PRKG2: variants seen among roughly 807,000 people sequenced by gnomAD.
PRKG2 encodes the protein protein kinase cGMP-dependent 2, also known as cGMP-dependent protein kinase 2.
In PRKG2, 33 loss-of-function variants were observed where a neutral mutation model predicts 97.2. That is an observed-to-expected ratio of 0.34 (90% CI 0.26 to 0.45). The LOEUF is 0.45. Among genes scored for constraint, PRKG2 ranks in the 20% least tolerant of loss-of-function variants. The pLI is 1.00. For synonymous variants in PRKG2, 330 were observed against 321.8 expected (o/e 1.03, Z -0.27); for missense variants, 638 against 900.0 (o/e 0.71, Z 3.73).
intron 14 of PRKG2, among the ~76,000 whole-genome samples, chr4:81,123,159 T>C (rs545884066): frequency 6.6e-6 from 1 of 152,262 alleles, no homozygotes; most frequent in Non-Finnish European, 1.5e-5. Flanking sequence ...CTGAGGAACA[T>C]ATATTAAAAT....
At chr4:81,093,919 T>A (rs769518133) in intron 17 of PRKG2, among the ~76,000 whole-genome samples, 10 of 152,196 alleles carry the variant, frequency 6.6e-5, no homozygotes, top group Non-Finnish European at 1.3e-4. Context: ...TCTTTTCTAC[T>A]GGCACACTGA....
chr4:81,186,405 A>AT (rs1751883787), intron 2 of PRKG2, among the ~76,000 whole-genome samples: 1 of 152,190 alleles, frequency 6.6e-6, no homozygotes, highest in Non-Finnish European at 1.5e-5. Context: ...GCAGAAATAA[A>AT]TAAGTTCTTT....
intron 17 of PRKG2, among the ~76,000 whole-genome samples, chr4:81,102,402 T>C (rs941301179): frequency 6.6e-6 from 1 of 152,204 alleles, no homozygotes; most frequent in African/African-American, 2.4e-5. Context: ...GAATGTATAT[T>C]GGAAGAATGG....
At chr4:81,108,684 C>T (rs1743605746) in intron 15 of PRKG2, among the ~76,000 whole-genome samples, 1 of 151,840 alleles carries the variant, frequency 6.6e-6, no homozygotes, top group African/African-American at 2.4e-5. Flanking sequence ...TGCTTGAGCC[C>T]AGGAGCTTGA....
intron 14 of PRKG2, among the ~76,000 whole-genome samples, chr4:81,121,294 T>C (rs1031415530): frequency 2.0e-5 from 3 of 152,112 alleles, no homozygotes; most frequent in African/African-American, 2.4e-5. Flanking sequence ...CTTTTGGTAT[T>C]AGAGTAATAA....
intron 1 of PRKG2, among the ~76,000 whole-genome samples, chr4:81,214,602 C>G (rs1196262930): frequency 6.6e-6 from 1 of 152,112 alleles, no homozygotes; most frequent in Non-Finnish European, 1.5e-5. Context: ...GCCCCTAGCT[C>G]GGAGCAACAG....
intron 5 of PRKG2, 150 bp from the exon 6 acceptor site, chr4:81,167,374 T>G: frequency 2.0e-6 from 1 of 501,676 alleles, no homozygotes; most frequent in Non-Finnish European, 3.5e-6. Flanking sequence ...TGAAAACACA[T>G]CAATAACTGA....
At chr4:81,141,086 T>C (rs1747236108) in intron 11 of PRKG2, among the ~76,000 whole-genome samples, 1 of 152,090 alleles carries the variant, frequency 6.6e-6, no homozygotes, top group South Asian at 2.1e-4. Context: ...TCAGGGCTCA[T>C]TGCAGCCTTG....
At chr4:81,176,174 T>C (rs1750907080) in intron 2 of PRKG2, 1 of 152,144 alleles carries the variant, frequency 6.6e-6, no homozygotes, top group Non-Finnish European at 1.5e-5. Flanking sequence ...TTCAAATTAT[T>C]TGAGTGCCTT....
intron 14 of PRKG2, among the ~76,000 whole-genome samples, chr4:81,118,923 T>C (rs538277326): frequency 3.1e-4 from 47 of 152,244 alleles, no homozygotes; most frequent in Non-Finnish European, 8.8e-5. Flanking sequence ...GGCTCCCAAG[T>C]AGCTGGGACT....
At chr4:81,206,401 T>A (rs1039986727) in intron 1 of PRKG2, among the ~76,000 whole-genome samples, 2 of 152,156 alleles carry the variant, frequency 1.3e-5, no homozygotes, top group African/African-American at 4.8e-5. Context: ...AGTGAATAGG[T>A]CTCATGAGAT....
In PRKG2 at chr4:81,137,397, C is replaced by G. The variant is rs1255291620; in HGVS notation, c.1630G>C (p.Asp544His). The change falls in exon 13 of 19, where the codon GAC becomes CAC. Residue 544 changes from aspartate to histidine, a missense_variant. Transcript: ENST00000264399. Reference protein sequence around the residue: ...LGGELWSILRDRGSFDEPTSK... With the variant: ...LGGELWSILRHRGSFDEPTSK... ...GTATACAAACTTTTTCATTACCTGT[C>G]CCTTAATATACTCCAGAGCTCCCCA... 2 of 1,604,274 alleles carry G rather than the reference C, an allele frequency of 1.2e-6. No homozygotes were observed. Among genetic ancestry groups the G allele is most frequent in the South Asian group, 2.2e-5 (2 of 90,868 alleles).
intron 2 of PRKG2, among the ~76,000 whole-genome samples, chr4:81,202,575 C>T (rs887773390): frequency 2.0e-5 from 3 of 152,074 alleles, no homozygotes; most frequent in Non-Finnish European, 2.9e-5. Flanking sequence ...TTTATCCTGA[C>T]CACAACACAG....
intron 2 of PRKG2, among the ~76,000 whole-genome samples, chr4:81,177,495 G>C (rs1299002726): frequency 6.6e-6 from 1 of 152,160 alleles, no homozygotes; most frequent in Non-Finnish European, 1.5e-5. Flanking sequence ...CACGAGGTCA[G>C]GAGATCGAGA....
In PRKG2 at chr4:81,204,773, C is replaced by T; in HGVS notation, c.275G>A (p.Ser92Asn). ...LQDVVHMQGG[S>N]PLQASPDKVP... Reference sequence around the variant, plus strand: ...TTTATCTGGAGAGGCCTGAAGCGGGCTTCCTCCCTGCATATGCACCACATC... The same window carrying T: ...TTTATCTGGAGAGGCCTGAAGCGGGTTTCCTCCCTGCATATGCACCACATC... Residue 92 changes from serine to asparagine, a missense_variant, in exon 2 of 19, where the codon AGC becomes AAC. Transcript: ENST00000264399. The T allele has an allele frequency of 6.2e-7, 1 of 1,614,186 alleles. No homozygotes were observed. The highest frequency in any genetic ancestry group is 8.5e-7 in the Non-Finnish European group (1 of 1,180,030).
At chr4:81,091,347 ATCTCGGCTCACTG>A (rs1252571936) in intron 18 of PRKG2, among the ~76,000 whole-genome samples, 1 of 151,976 alleles carries the variant, frequency 6.6e-6, no homozygotes, top group African/African-American at 2.4e-5. Context: ...CAGTGGCGTG[ATCTCGGCTCACTG>A]CAAGCTCCAC....
upstream of PRKG2, among the ~76,000 whole-genome samples, chr4:81,215,390 A>C (rs1367504863): frequency 2.6e-5 from 4 of 152,236 alleles, no homozygotes; most frequent in Non-Finnish European, 5.9e-5. Flanking sequence ...CGCAGTCTGC[A>C]CTTTATACCC....
rs535944193 is a variant in PRKG2 at position 81,154,459 on chromosome 4, A to AC, written c.913-739dup. On this transcript the variant is annotated intron_variant, in intron 6 of 18. Transcript: ENST00000264399. ...GACTGCCTCCTCAAGTGGGTCCCTG[A>AC]CCCTGACCCCCGAGCAGCCTAACTG... 1.7e-3 allele frequency among the ~76,000 whole-genome samples: 248 copies of AC among 150,286 alleles called. 4 individuals carry two copies. Among genetic ancestry groups the AC allele is most frequent in the African/African-American group, 3.6e-3 (143 of 39,744 alleles).
intron 3 of PRKG2, among the ~76,000 whole-genome samples, chr4:81,172,045 T>C (rs968815655): frequency 2.0e-5 from 3 of 151,692 alleles, no homozygotes; most frequent in African/African-American, 4.8e-5. Context: ...ACGATGAGGA[T>C]AATAATAATT....
Sources: allele counts gnomAD v4.1 joint callset (sites outside exome capture counted in the v4.1 genomes callset), GRCh38; gene constraint gnomAD v4.1.1; transcripts MANE v1.5; gene names NCBI Gene and HGNC (gene_info 2026-07-23, HGNC 2026-07-21).